The following CTNNA3 variants were observed in gnomAD, a reference collection of about 807,000 sequenced individuals.
CTNNA3 encodes catenin alpha-3.
Under a neutral mutation model 95.7 loss-of-function variants are expected in CTNNA3, and 76 were observed. The ratio of observed to expected loss-of-function variants is 0.79; its 90% CI spans 0.66 to 0.96. The LOEUF (loss-of-function observed/expected upper bound fraction) is 0.96, where lower values mean the gene tolerates loss of function less well. Among genes scored for constraint, CTNNA3 ranks in the 40% least tolerant of loss-of-function variants. The pLI is 0.00. For missense variants in CTNNA3, 1,191 were observed against 1,089.8 expected (o/e 1.09, Z -1.31); for synonymous variants, 431 against 374.4 (o/e 1.15, Z -1.74).
chr10:67,272,628 G>A (rs569297500), intron 5 of CTNNA3, among the ~76,000 whole-genome samples: 1 of 152,130 alleles, frequency 6.6e-6, no homozygotes, highest in Non-Finnish European at 1.5e-5. Context: ...TTAATTCATT[G>A]TTGTGGAAAC....
chr10:67,073,538 A>T (rs900819850), intron 7 of CTNNA3, among the ~76,000 whole-genome samples: 4 of 152,160 alleles, frequency 2.6e-5, no homozygotes, highest in Non-Finnish European at 5.9e-5. Flanking sequence ...ATCAACAAAA[A>T]TCCTAGATGC....
intron 7 of CTNNA3, among the ~76,000 whole-genome samples, chr10:66,803,268 G>A (rs992096002): frequency 4.0e-5 from 6 of 151,716 alleles, no homozygotes; most frequent in Non-Finnish European, 7.4e-5. Flanking sequence ...TTTACAATCC[G>A]CCGTCATCAA....
At chr10:66,662,437 C>T (rs181607796) in intron 9 of CTNNA3, among the ~76,000 whole-genome samples, 1 of 152,260 alleles carries the variant, frequency 6.6e-6, no homozygotes, top group African/African-American at 2.4e-5. Flanking sequence ...CTTTTCTTCA[C>T]CTCTTAAATA....
intron 7 of CTNNA3, among the ~76,000 whole-genome samples, chr10:66,784,719 G>T (rs959695472): frequency 3.9e-5 from 6 of 152,106 alleles, no homozygotes; most frequent in African/African-American, 1.4e-4. Context: ...CCACTACTTG[G>T]CTCTGAATAA....
intron 13 of CTNNA3, among the ~76,000 whole-genome samples, chr10:66,128,123 C>G (rs931486527): frequency 1.3e-5 from 2 of 152,114 alleles, no homozygotes; most frequent in Middle Eastern, 3.2e-3. Flanking sequence ...AAAGTATTTT[C>G]TTAATTCAGG....
intron 14 of CTNNA3, chr10:66,079,449 T>C (rs981224865): frequency 6.6e-6 from 1 of 152,018 alleles, no homozygotes; most frequent in Non-Finnish European, 1.5e-5. Context: ...GAAAGAATTA[T>C]ATACCTCCTA....
rs1163801558 is a variant in CTNNA3, at chr10:65,918,710, T to C, written c.*1620A>G. 1 of 152,168 alleles carries C rather than the reference T, an allele frequency of 6.6e-6. No individual in the cohort carries two copies. Among genetic ancestry groups the C allele is most frequent in the African/African-American group, 2.4e-5 (1 of 41,438 alleles). 9.4% of individuals were successfully genotyped at this position (152,168 alleles called of 1,614,324 possible). ...TTACACTGAGCTCAGGCAATCCAGC[T>C]ACTTGGAAGATTGAAATAATTCATT... On this transcript the variant is annotated 3_prime_UTR_variant, in exon 18 of 18. Transcript: ENST00000433211.
At chr10:67,134,599 C>A (rs1242488073) in intron 7 of CTNNA3, among the ~76,000 whole-genome samples, 1 of 152,090 alleles carries the variant, frequency 6.6e-6, no homozygotes, top group African/African-American at 2.4e-5. Flanking sequence ...ATCAAGAGAG[C>A]AAGGAGACTG....
chr10:67,369,094 A>G (rs1843320990), intron 5 of CTNNA3, among the ~76,000 whole-genome samples: 1 of 152,176 alleles, frequency 6.6e-6, no homozygotes. Context: ...AAACCCTGTC[A>G]CTAAAATATG....
chr10:66,115,622 G>GAGATAC (rs1309695533), intron 13 of CTNNA3, among the ~76,000 whole-genome samples: 2 of 150,364 alleles, frequency 1.3e-5, no homozygotes, highest in Non-Finnish European at 2.9e-5. Flanking sequence ...GATAGAGATA[G>GAGATAC]AGATAGAGAT....
chr10:67,475,644 T>C (rs1307402172), intron 5 of CTNNA3, among the ~76,000 whole-genome samples: 2 of 152,216 alleles, frequency 1.3e-5, no homozygotes, highest in African/African-American at 4.8e-5. Context: ...ACAAAAAACG[T>C]TAACTTCCAA....
At chr10:66,971,504 CTT>C (rs892888838) in intron 7 of CTNNA3, among the ~76,000 whole-genome samples, 2 of 152,112 alleles carry the variant, frequency 1.3e-5, no homozygotes, top group African/African-American at 4.8e-5. Context: ...CAATTGTACT[CTT>C]TATAATTTGT....
intron 11 of CTNNA3, among the ~76,000 whole-genome samples, chr10:66,408,927 C>T (rs1276515469): frequency 6.6e-6 from 1 of 152,092 alleles, no homozygotes; most frequent in Non-Finnish European, 1.5e-5. Context: ...TTGACAGAAT[C>T]CTGATGGCTT....
At chr10:67,742,982 A>G (rs1306936540) in intron 1 of CTNNA3, among the ~76,000 whole-genome samples, 1 of 151,248 alleles carries the variant, frequency 6.6e-6, no homozygotes, top group East Asian at 1.9e-4. Flanking sequence ...CAGACCAATA[A>G]CGGGGTCTGA....
rs16924287 is a variant in CTNNA3, at chr10:67,254,543, A to G, written c.580-34673T>C. Among the ~76,000 whole-genome samples, 2,376 of 152,294 alleles carry G rather than the reference A, an allele frequency of 0.016. 190 individuals carry two copies. In the East Asian group the frequency reaches 0.26, roughly 16 times the overall value. On this transcript the variant is annotated intron_variant, in intron 5 of 17. Coordinates refer to ENST00000433211, the MANE Select transcript of CTNNA3 (RefSeq NM_013266.4). Reference sequence around the variant, plus strand: ...GATCTAAATCTATACTCTGAGCCCAATGTAATGCTACTTCTATTAACAGGT... The same window carrying G: ...GATCTAAATCTATACTCTGAGCCCAGTGTAATGCTACTTCTATTAACAGGT...
At chr10:67,191,557 G>T (rs1228759436) in intron 6 of CTNNA3, among the ~76,000 whole-genome samples, 3 of 151,800 alleles carry the variant, frequency 2.0e-5, no homozygotes, top group Non-Finnish European at 4.4e-5. Flanking sequence ...TGAAAGATCT[G>T]TGGTTACATT....
chr10:66,180,107 C>T (rs1306997779), intron 13 of CTNNA3, among the ~76,000 whole-genome samples: 2 of 152,120 alleles, frequency 1.3e-5, no homozygotes, highest in East Asian at 3.9e-4. Flanking sequence ...ATAAAAGCAG[C>T]ATCAGGAATC....
In CTNNA3 at chr10:66,824,887, T is replaced by C. The variant is rs543050927; in HGVS notation, c.1048-49363A>G. 2.6e-3 allele frequency among the ~76,000 whole-genome samples: 400 copies of C among 152,242 alleles called. 1 individual carries two copies. The highest frequency in any genetic ancestry group is 8.8e-3 in the African/African-American group (365 of 41,546). ...AGACTAAGAAAATCCAAATGAAGTG[T>C]GGAGTTTGGTTAACATTAATGTGCT... is the stretch of plus-strand genomic sequence containing the variant. On this transcript the variant is annotated intron_variant, in intron 7 of 17. Transcript: ENST00000433211.
intron 5 of CTNNA3, among the ~76,000 whole-genome samples, chr10:67,425,928 G>A (rs1458409670): frequency 6.6e-6 from 1 of 152,070 alleles, no homozygotes; most frequent in East Asian, 1.9e-4. Flanking sequence ...CTGTTTCTGG[G>A]AAGGGCCTTG....
Sources: allele counts gnomAD v4.1 joint callset (sites outside exome capture counted in the v4.1 genomes callset), GRCh38; gene constraint gnomAD v4.1.1; transcripts MANE v1.5; gene names NCBI Gene and HGNC (gene_info 2026-07-23, HGNC 2026-07-21).